The following RUVBL1 variants were observed in gnomAD, a reference collection of about 807,000 sequenced individuals.
RUVBL1 encodes ruvB-like 1.
Under a neutral mutation model 52.4 loss-of-function variants are expected in RUVBL1, and 4 were observed. The ratio of observed to expected loss-of-function variants is 0.08; its 90% CI spans 0.04 to 0.17. The LOEUF is 0.17. Among genes scored for constraint, RUVBL1 ranks in the 10% least tolerant of loss-of-function variants. RUVBL1 has a pLI of 1.00. For synonymous variants in RUVBL1, 217 were observed against 214.4 expected (o/e 1.01, Z -0.10); for missense variants, 298 against 572.8 (o/e 0.52, Z 4.90).
At chr3:128,092,293 T>C (rs1234378619) in intron 8 of RUVBL1, among the ~76,000 whole-genome samples, 1 of 152,182 alleles carries the variant, frequency 6.6e-6, no homozygotes, top group Admixed American at 6.6e-5. Flanking sequence ...GATTTTAGAT[T>C]AGGCAATGGG....
chr3:128,070,621 G>A (rs1335712112), intron 9 of RUVBL1: 2 of 152,300 alleles, frequency 1.3e-5, no homozygotes, highest in Non-Finnish European at 2.9e-5. Context: ...ACTGTGCTTA[G>A]GACTGCACGC....
chr3:128,106,017 GCAC>G (rs1943227204), intron 3 of RUVBL1, among the ~76,000 whole-genome samples: 1 of 151,990 alleles, frequency 6.6e-6, no homozygotes. Context: ...TTACAGGCGT[GCAC>G]CACCACATCT....
chr3:128,065,158 TG>T (rs1224275727), exon 10 of RUVBL1: 30 of 1,150,648 alleles, frequency 2.6e-5, no homozygotes, highest in Non-Finnish European at 3.4e-5. Flanking sequence ...AACGATGAGA[TG>T]GTATTTGAAG....
At chr3:128,119,225 C>A in intron 2 of RUVBL1, 103 bp downstream of exon 2, 2 of 735,990 alleles carry the variant, frequency 2.7e-6, no homozygotes, top group Admixed American at 2.8e-5. Flanking sequence ...ATACATATAA[C>A]CCATTTAGCT....
At chr3:128,087,640 C>T in intron 9 of RUVBL1, 66 bp downstream of exon 9, 1 of 1,310,600 alleles carries the variant, frequency 7.6e-7, no homozygotes, top group African/African-American at 1.5e-5. Context: ...TACCTTTCTG[C>T]ACAGCCACCA....
chr3:128,112,610 T>C (rs1943421121), intron 3 of RUVBL1, among the ~76,000 whole-genome samples: 1 of 151,992 alleles, frequency 6.6e-6, no homozygotes. Flanking sequence ...TCCAGGAAAA[T>C]ATGACTCATT....
chr3:128,153,200 C>T (rs777573757), intron 1 of RUVBL1: 152 of 1,295,884 alleles, frequency 1.2e-4, no homozygotes, highest in Non-Finnish European at 1.4e-4. Context: ...AGTCTCCACT[C>T]ACCCAGAAAG....
intron 8 of RUVBL1, among the ~76,000 whole-genome samples, chr3:128,094,181 G>A (rs770532644): frequency 8.5e-5 from 13 of 152,130 alleles, no homozygotes; most frequent in South Asian, 2.1e-4. Flanking sequence ...CAAGGAACTC[G>A]CCTGGGTCAT....
chr3:128,109,315 G>C (rs986594650), intron 3 of RUVBL1, among the ~76,000 whole-genome samples: 3 of 152,156 alleles, frequency 2.0e-5, no homozygotes, highest in Non-Finnish European at 2.9e-5. Context: ...TGGGGCCAAG[G>C]CAAAAGGATT....
At chr3:128,149,783 G>A (rs994658943) in intron 1 of RUVBL1, among the ~76,000 whole-genome samples, 5 of 152,218 alleles carry the variant, frequency 3.3e-5, no homozygotes, top group Admixed American at 6.5e-5. Context: ...GGGAGACTTC[G>A]GTGATGTTGT....
chr3:128,153,026 C>T (rs114236432), intron 1 of RUVBL1, among the ~76,000 whole-genome samples: 1,125 of 107,372 alleles, frequency 0.01, 38 homozygotes, highest in African/African-American at 0.039. Flanking sequence ...CCCCATGTTC[C>T]GTTTTTGTCC....
chr3:128,115,221 G>A (rs757655355), intron 2 of RUVBL1, among the ~76,000 whole-genome samples: 10 of 152,028 alleles, frequency 6.6e-5, no homozygotes, highest in Admixed American at 1.3e-4. Flanking sequence ...AGGTAAAACC[G>A]CAAGCAGCAG....
At chr3:128,116,512 G>C (rs967091743) in intron 2 of RUVBL1, among the ~76,000 whole-genome samples, 24 of 147,418 alleles carry the variant, frequency 1.6e-4, no homozygotes, top group African/African-American at 5.0e-4. Flanking sequence ...CTGGGCAAGA[G>C]AGCGAGACTT....
At chr3:128,079,724 C>T (rs1942419980), downstream of RUVBL1, among the ~76,000 whole-genome samples, 1 of 152,194 alleles carries the variant, frequency 6.6e-6, no homozygotes, top group African/African-American at 2.4e-5. Context: ...ACGGCTGGGG[C>T]CTCTCAGGCT....
In RUVBL1 at chr3:128,067,208, T is replaced by C. The variant is rs1942006624; in HGVS notation, c.940-1988A>G. 1.3e-6 allele frequency: 2 copies of C among 1,511,392 alleles called. No homozygotes were observed. The highest frequency in any genetic ancestry group is 3.3e-5 in the Admixed American group (2 of 59,804). The allele number at this position is 1,511,392 out of a possible 1,614,324, so 93.6% of individuals were successfully genotyped here. A position where few individuals can be genotyped will look rare whatever the true frequency, so the allele number is the denominator to read the frequency against. ...TGCAGCTAAGTTGCAGTGGTTTCTATCAGTGTCTTGCTCATGAACAGATAT... is the reference window on the plus strand; with the variant it reads ...TGCAGCTAAGTTGCAGTGGTTTCTACCAGTGTCTTGCTCATGAACAGATAT... On this transcript the variant is annotated intron_variant, in intron 9 of 9. Coordinates refer to the RUVBL1 transcript ENST00000464873. This position sits in a 1 kb window ranked among gnomAD's most constrained non-coding sequence, Gnocchi z 4.1.
upstream of RUVBL1, among the ~76,000 whole-genome samples, chr3:128,125,005 C>CTTTT (rs749620135): frequency 2.7e-3 from 166 of 61,382 alleles, 42 homozygotes; most frequent in Non-Finnish European, 3.1e-3. Context: ...CTCACACCGC[C>CTTTT]TTTTTTTTTT....
intron 1 of RUVBL1, among the ~76,000 whole-genome samples, chr3:128,149,887 CAGA>C (rs1161382075): frequency 2.0e-5 from 3 of 152,244 alleles, no homozygotes; most frequent in African/African-American, 7.2e-5. Flanking sequence ...TTTGATGCTT[CAGA>C]AGGCCACACC....
At chr3:128,145,165 C>T (rs1213341132) in intron 1 of RUVBL1, among the ~76,000 whole-genome samples, 2 of 152,218 alleles carry the variant, frequency 1.3e-5, no homozygotes, top group Non-Finnish European at 2.9e-5. Flanking sequence ...TGATATAGCA[C>T]TTATTAATAT....
chr3:128,122,733 C>G (rs1379742419), intron 1 of RUVBL1, among the ~76,000 whole-genome samples: 1 of 152,166 alleles, frequency 6.6e-6, no homozygotes, highest in Non-Finnish European at 1.5e-5. Context: ...ATGGCTGTGA[C>G]CTTAGAGAAC....
Sources: allele counts gnomAD v4.1 joint callset (sites outside exome capture counted in the v4.1 genomes callset), GRCh38; gene constraint gnomAD v4.1.1; non-coding constraint Gnocchi (gnomAD v3.1); transcripts MANE v1.5; gene names NCBI Gene and HGNC (gene_info 2026-07-23, HGNC 2026-07-21).